SLC7A10: variants seen among roughly 807,000 people sequenced by gnomAD.
SLC7A10 encodes the protein asc-type amino acid transporter 1.
A neutral mutation model predicts 52.7 loss-of-function variants in SLC7A10; 30 were observed. The ratio of observed to expected loss-of-function variants is 0.57; its 90% confidence interval spans 0.43 to 0.77. The LOEUF (loss-of-function observed/expected upper bound fraction) is 0.77. SLC7A10 is among the 30% of genes least tolerant of loss of function. The pLI, the probability that SLC7A10 is intolerant of heterozygous loss-of-function variation, is 0.00. For synonymous variants in SLC7A10, 318 were observed against 314.9 expected, an observed-to-expected ratio of 1.01 and a Z score of -0.10; for missense variants, 581 against 698.5, an observed-to-expected ratio of 0.83 and a Z score of 1.90.
At chr19:33,214,771 G>C (rs1974632594) in intron 2 of SLC7A10, among the ~76,000 whole-genome samples, 1 of 152,236 alleles carries the variant, frequency 6.6e-6, no homozygotes, top group Non-Finnish European at 1.5e-5. Flanking sequence ...TTGCTGTGTA[G>C]CTGCTGCCTC....
At chr19:33,223,212 G>A (rs1216465788) in intron 1 of SLC7A10, among the ~76,000 whole-genome samples, 1 of 151,212 alleles carries the variant, frequency 6.6e-6, no homozygotes, top group Non-Finnish European at 1.5e-5. Flanking sequence ...GGAGGCTGAC[G>A]CAGGAGAATT....
intron 1 of SLC7A10, among the ~76,000 whole-genome samples, chr19:33,217,024 T>G (rs1259742379): frequency 6.6e-6 from 1 of 151,668 alleles, no homozygotes; most frequent in African/African-American, 2.4e-5. Flanking sequence ...CCAGGTGTAT[T>G]ACCACACCCA....
chr19:33,218,172 C>T (rs1974730428), intron 1 of SLC7A10, among the ~76,000 whole-genome samples: 1 of 152,132 alleles, frequency 6.6e-6, no homozygotes, highest in Admixed American at 6.5e-5. Context: ...GCAGAGAGCC[C>T]ACCATGCTTC....
Position 33,209,413 on chromosome 19 carries a change from G to A in SLC7A10, c.1336C>T (p.Pro446Ser), listed in dbSNP as rs759761130. 6.2e-6 allele frequency: 10 copies of A among 1,614,086 alleles called. 1 individual carries two copies. The South Asian group carries it at 1.1e-4, about 18-fold the overall frequency. Residue 446 changes from proline (P) to serine (S), a missense_variant, in exon 10 of 11, where the codon CCT (proline) becomes TCT (serine). Transcript: ENST00000253188. Reference sequence around the variant, plus strand: ...ATGACGCCGACCCCACAGACCATAGGCTCTGAGATGAAGCTGAAGACCAGC... The same window carrying A: ...ATGACGCCGACCCCACAGACCATAGACTCTGAGATGAAGCTGAAGACCAGC... ...FLLVFSFISE[P>S]MVCGVGVIII...
rs528460946 is a variant in SLC7A10 at position 33,216,071 on chromosome 19, C to G, written c.152-98G>C. On this transcript the variant is annotated intron_variant, in intron 1 of 10. Transcript: ENST00000253188. ...GCCTGCTGCCAGGAGGAAGACAGCC[C>G]GGGGTGCTTCCCGGAGGAGGAGGAG... The G allele has an allele frequency of 9.9e-5, 114 of 1,150,502 alleles. No individual in the cohort carries two copies. In the South Asian group the frequency reaches 1.7e-3, roughly 17 times the overall value. The allele number at this position is 1,150,502 out of a possible 1,614,324, so 71.3% of individuals were successfully genotyped here.
At chr19:33,215,630 ACCCCCCACACC>A in intron 2 of SLC7A10, 128 bp downstream of exon 2, 1 of 288,770 alleles carries the variant, frequency 3.5e-6, no homozygotes, top group South Asian at 8.4e-5. Flanking sequence ...CTCTCCATCC[ACCCCCCACACC>A]TTCTCTCCAT....
chr19:33,210,636 T>A lies in SLC7A10; in HGVS notation c.1114-20A>T. 1 of 1,610,596 alleles carries A rather than the reference T, an allele frequency of 6.2e-7. No homozygotes were observed. Among genetic ancestry groups the A allele is most frequent in the Non-Finnish European group, 8.5e-7 (1 of 1,179,908 alleles). On this transcript the variant is annotated intron_variant, in intron 8 of 10. Coordinates refer to ENST00000253188, the MANE Select transcript of SLC7A10 (RefSeq NM_019849.3). This position sits in a 1 kb window ranked among gnomAD's most constrained non-coding sequence, Gnocchi z 5.6. The stretch of plus-strand genomic sequence containing the variant: ...CCCGCACTGGGAGAGGACCTGGGGC[T>A]GACGGCTGGCCCCTAGCCTGCCTCC...
intron 9 of SLC7A10, 150 bp from the exon 10 acceptor site, chr19:33,209,635 C>T (rs1193541668): frequency 6.0e-6 from 5 of 826,622 alleles, no homozygotes; most frequent in Middle Eastern, 7.1e-4. Context: ...TTGGCGACAG[C>T]CCAGTGTGTT....
In SLC7A10 at chr19:33,209,389, T is replaced by C. The variant is rs1180726693; in HGVS notation, c.1360A>G (p.Ile454Val). 1 of 1,613,988 alleles carries C rather than the reference T, an allele frequency of 6.2e-7. No homozygotes were observed. Among genetic ancestry groups the C allele is most frequent in the Non-Finnish European group, 8.5e-7 (1 of 1,179,996 alleles). The change falls in exon 10 of 11, where the codon ATC (isoleucine) becomes GTC (valine). Residue 454 changes from isoleucine to valine, a missense_variant. Ile to Val is a conservative substitution (Grantham distance 29). Coordinates refer to ENST00000253188, the MANE Select transcript of SLC7A10 (RefSeq NM_019849.3). ...SEPMVCGVGV[I>V]IILTGVPIFF... The stretch of plus-strand genomic sequence containing the variant: ...ATGGGCACCCCCGTAAGGATGATGA[T>C]GACGCCGACCCCACAGACCATAGGC...
At chr19:33,215,367 G>A (rs1224306006) in intron 2 of SLC7A10, among the ~76,000 whole-genome samples, 1 of 151,360 alleles carries the variant, frequency 6.6e-6, no homozygotes, top group Non-Finnish European at 1.5e-5. Flanking sequence ...TACCAAAATT[G>A]AGGCCCCTCC....
At position 33,215,984 on chromosome 19, in the gene SLC7A10, A is replaced by G. The variant is rs1341485597; in HGVS notation, c.152-11T>C. The G allele has an allele frequency of 3.2e-6, 5 of 1,566,666 alleles. No homozygotes were observed. The East Asian group carries it at 6.9e-5, about 22-fold the overall frequency. On this transcript the variant is annotated splice_polypyrimidine_tract_variant and intron_variant, in intron 1 of 10. Transcript: ENST00000253188. Reference sequence around the variant, plus strand: ...AGCCGATGATGTTCCCTGCAGGGGGAGAGATGGGGAGGCATCAGGCCTGGG... The same window carrying G: ...AGCCGATGATGTTCCCTGCAGGGGGGGAGATGGGGAGGCATCAGGCCTGGG...
At chr19:33,223,844 C>A (rs1974864588) in intron 1 of SLC7A10, among the ~76,000 whole-genome samples, 1 of 152,098 alleles carries the variant, frequency 6.6e-6, no homozygotes. Flanking sequence ...GCTGTCAGGG[C>A]AGACCTGGGC....
chr19:33,225,316 T>C (rs1180006692), intron 1 of SLC7A10, among the ~76,000 whole-genome samples: 2 of 152,126 alleles, frequency 1.3e-5, no homozygotes, highest in African/African-American at 4.8e-5. Flanking sequence ...AGTCCAGCGG[T>C]GGAGGGGACC....
Position 33,210,895 on chromosome 19 carries a change from C to A in SLC7A10, c.1020G>T (p.Leu340=). ...GCCCCTCGCGGGCTCCAGAGAAGCACAGCCTAGCGTTGGGGACAGATATGG... is the reference window on the plus strand; with the variant it reads ...GCCCCTCGCGGGCTCCAGAGAAGCAAAGCCTAGCGTTGGGGACAGATATGG... ...INGYLFTYSR[L]CFSGAREGHL... Residue 340 remains leucine (L), a synonymous_variant, in exon 8 of 11, where the codon CTG becomes CTT. Transcript: ENST00000253188. This position sits in a 1 kb window ranked among gnomAD's most constrained non-coding sequence, Gnocchi z 5.6. 9.3e-6 allele frequency: 15 copies of A among 1,613,290 alleles called. No individual in the cohort carries two copies. The highest frequency in any genetic ancestry group is 1.3e-5 in the Non-Finnish European group (15 of 1,179,988).
At chr19:33,216,459 C>T (rs1438875727) in intron 1 of SLC7A10, among the ~76,000 whole-genome samples, 3 of 152,350 alleles carry the variant, frequency 2.0e-5, no homozygotes, top group Admixed American at 2.0e-4. Context: ...GCCCCTAACA[C>T]AGGACTTCAA....
chr19:33,213,416 G>A (rs1974602520), intron 2 of SLC7A10, among the ~76,000 whole-genome samples: 1 of 151,778 alleles, frequency 6.6e-6, no homozygotes, highest in Non-Finnish European at 1.5e-5. Context: ...AGTCTCCCAA[G>A]TAGCTGGGAC....
At position 33,211,646 on chromosome 19, in the gene SLC7A10, A is replaced by G. The variant is rs1355201258; in HGVS notation, c.789-109T>C. On this transcript the variant is annotated intron_variant, in intron 5 of 10. Transcript: ENST00000253188. ...TCTCCATCTCTTGTGTCTGCTGGGG[A>G]TGTTGGGGCAGGAAAGGGGGCAGCA... 3 of 1,575,298 alleles carry G rather than the reference A, an allele frequency of 1.9e-6. No individual in the cohort carries two copies. The African/African-American group carries it at 4.1e-5, about 21-fold the overall frequency.
intron 1 of SLC7A10, among the ~76,000 whole-genome samples, chr19:33,223,943 TCACCACCACCACCACCACCACCACCAC>T (rs80120440): frequency 1.4e-5 from 2 of 147,222 alleles, no homozygotes; most frequent in African/African-American, 2.5e-5. Flanking sequence ...ACCTCTACCA[TCACCACCACCACCACCACCACCACCAC>T]CACCACCACC....
Position 33,216,083 on chromosome 19 carries a change from C to CGGA in SLC7A10, c.152-113_152-111dup, listed in dbSNP as rs532211808. 9.4e-4 allele frequency: 952 copies of CGGA among 1,014,964 alleles called. 13 individuals are homozygous for CGGA. Among genetic ancestry groups the CGGA allele is most frequent in the Non-Finnish European group, 9.5e-5 (67 of 708,860 alleles). The allele number at this position is 1,014,964 out of a possible 1,614,324, so 62.9% of individuals were successfully genotyped here. ...GAGGAAGACAGCCCGGGGTGCTTCC[C>CGGA]GGAGGAGGAGGAGGCAGGAGGTGGG... On this transcript the variant is annotated intron_variant, in intron 1 of 10. Transcript: ENST00000253188.
Sources: gnomAD v4.1 joint callset for allele counts (sites outside exome capture counted in the v4.1 genomes callset) on GRCh38, gnomAD v4.1.1 for gene constraint, Gnocchi (gnomAD v3.1) non-coding constraint, MANE v1.5 for transcripts, NCBI Gene and HGNC (gene_info 2026-07-23, HGNC 2026-07-21) for gene names.